TBC1D22A: variants seen among roughly 807,000 people sequenced by gnomAD.
The protein encoded by TBC1D22A is putative GTPase activator.
TBC1D22A carries 38 observed loss-of-function variants against 60.2 expected under a neutral mutation model. That is an observed-to-expected ratio of 0.63 (90% CI 0.49 to 0.83). The LOEUF (loss-of-function observed/expected upper bound fraction) is 0.83. TBC1D22A is among the 40% of genes least tolerant of loss of function. TBC1D22A has a pLI of 0.00. For missense variants in TBC1D22A, 628 were observed against 701.0 expected, an observed-to-expected ratio of 0.90 and a Z score of 1.18; for synonymous variants, 302 against 281.7, an observed-to-expected ratio of 1.07 and a Z score of -0.72.
chr22:46,997,422 C>T lies in TBC1D22A; in HGVS notation c.1126-212C>T, dbSNP rs117306848. Among the ~76,000 whole-genome samples the T allele has an allele frequency of 3.3e-5, 5 of 152,322 alleles. No homozygotes were observed. The East Asian group carries it at 7.7e-4, about 24-fold the overall frequency. On this transcript the variant is annotated intron_variant, in intron 9 of 12. Coordinates refer to ENST00000337137, the MANE Select transcript of TBC1D22A (RefSeq NM_014346.5). ...GATGCACGTGCTTATCACCTGACAT[C>T]GGGAAATACTGGCCTTTCCCTTCTC...
intron 4 of TBC1D22A, among the ~76,000 whole-genome samples, chr22:46,822,738 A>G (rs73891007): frequency 0.018 from 2,799 of 152,280 alleles, 86 homozygotes; most frequent in African/African-American, 0.064. Context: ...CATGGGGAGC[A>G]GGACCCGCTT....
At chr22:47,080,360 G>A (rs974411833) in intron 11 of TBC1D22A, among the ~76,000 whole-genome samples, 3 of 152,136 alleles carry the variant, frequency 2.0e-5, no homozygotes, top group African/African-American at 7.2e-5. Context: ...GAATCACCAT[G>A]ATTTCCTGGG....
chr22:46,974,585 C>G (rs2074216919), intron 9 of TBC1D22A, among the ~76,000 whole-genome samples, 186 bp downstream of exon 9: 1 of 152,220 alleles, frequency 6.6e-6, no homozygotes, highest in Non-Finnish European at 1.5e-5. Context: ...GTGTATGTGC[C>G]CCTCGTTCTG....
At chr22:46,809,567 CACCCTG>C (rs2085296173) in intron 4 of TBC1D22A, among the ~76,000 whole-genome samples, 1 of 152,132 alleles carries the variant, frequency 6.6e-6, no homozygotes, top group South Asian at 2.1e-4. Context: ...CATCCCCTGC[CACCCTG>C]ACCCTTAGCA....
intron 4 of TBC1D22A, among the ~76,000 whole-genome samples, chr22:46,805,988 G>A (rs940480076): frequency 1.1e-4 from 16 of 145,264 alleles, no homozygotes; most frequent in African/African-American, 3.8e-4. Flanking sequence ...GAGTAGCTGG[G>A]ATTACAGGCA....
At chr22:46,783,498 C>G (rs1420853596) in intron 1 of TBC1D22A, among the ~76,000 whole-genome samples, 1 of 152,236 alleles carries the variant, frequency 6.6e-6, no homozygotes, top group African/African-American at 2.4e-5. Flanking sequence ...CGCACACACG[C>G]AGTTGATGCC....
chr22:47,137,524 G>A (rs1274426234), intron 12 of TBC1D22A, among the ~76,000 whole-genome samples: 1 of 152,150 alleles, frequency 6.6e-6, no homozygotes, highest in Non-Finnish European at 1.5e-5. Context: ...AGGTCTCCCT[G>A]ACTGCAGGGG....
chr22:47,010,384 G>A (rs923259380), intron 10 of TBC1D22A, among the ~76,000 whole-genome samples: 2 of 152,226 alleles, frequency 1.3e-5, no homozygotes, highest in African/African-American at 2.4e-5. Flanking sequence ...AGAGCTGAGC[G>A]TTTGAAATGA....
At chr22:46,856,993 C>T (rs1288280406) in intron 4 of TBC1D22A, among the ~76,000 whole-genome samples, 1 of 152,252 alleles carries the variant, frequency 6.6e-6, no homozygotes, top group Non-Finnish European at 1.5e-5. Flanking sequence ...ACAATTGCCT[C>T]CAGCCCTATT....
At chr22:46,795,480 G>C (rs2084612396) in intron 3 of TBC1D22A, among the ~76,000 whole-genome samples, 1 of 152,196 alleles carries the variant, frequency 6.6e-6, no homozygotes, top group Admixed American at 6.5e-5. Context: ...ATGTCACCCT[G>C]GGATGGCCTC....
chr22:47,006,548 G>A (rs1433122508), intron 10 of TBC1D22A, among the ~76,000 whole-genome samples: 2 of 152,220 alleles, frequency 1.3e-5, no homozygotes, highest in African/African-American at 2.4e-5. Context: ...TTCTGTGGCC[G>A]TCTCAGGCCA....
chr22:46,991,765 G>T (rs187737977), intron 9 of TBC1D22A, among the ~76,000 whole-genome samples: 2 of 152,262 alleles, frequency 1.3e-5, no homozygotes, highest in East Asian at 3.9e-4. Context: ...TGACTCCGAC[G>T]TGGCCTTCCA....
At chr22:46,917,007 G>A (rs1241802806) in intron 8 of TBC1D22A, among the ~76,000 whole-genome samples, 1 of 152,210 alleles carries the variant, frequency 6.6e-6, no homozygotes, top group African/African-American at 2.4e-5. Flanking sequence ...GCTTGAATGT[G>A]CCCATTCCAG....
chr22:46,940,003 C>A (rs2147933976), intron 8 of TBC1D22A, among the ~76,000 whole-genome samples: 1 of 152,180 alleles, frequency 6.6e-6, no homozygotes, highest in East Asian at 1.9e-4. Flanking sequence ...TGGAAATATT[C>A]CAGATTTGGT....
At chr22:46,879,912 A>T (rs1253510718) in intron 5 of TBC1D22A, among the ~76,000 whole-genome samples, 4 of 152,152 alleles carry the variant, frequency 2.6e-5, no homozygotes, top group Non-Finnish European at 5.9e-5. Flanking sequence ...ACAGGGGTTG[A>T]TGTGGACATG....
chr22:47,153,975 C>A (rs1040691375), intron 12 of TBC1D22A, among the ~76,000 whole-genome samples: 1 of 151,574 alleles, frequency 6.6e-6, no homozygotes, highest in Non-Finnish European at 1.5e-5. Flanking sequence ...CACTCTTGGG[C>A]ATGGGAGGGT....
chr22:46,935,474 G>A (rs939945419), intron 8 of TBC1D22A, among the ~76,000 whole-genome samples: 1 of 152,212 alleles, frequency 6.6e-6, no homozygotes, highest in Non-Finnish European at 1.5e-5. Flanking sequence ...GGGCCGTATG[G>A]GCAGTTTGAA....
rs961749699 is a variant in TBC1D22A at position 47,030,082 on chromosome 22, G to T, written c.1202-6989G>T. ...TGGGCTCAGAGTGGGGGGCCTCTTGGTGCGGAGGGGCCCTGCTCACTGTCA... is the reference window on the plus strand; with the variant it reads ...TGGGCTCAGAGTGGGGGGCCTCTTGTTGCGGAGGGGCCCTGCTCACTGTCA... On this transcript the variant is annotated intron_variant, in intron 10 of 12. Transcript: ENST00000337137. Among the ~76,000 whole-genome samples, 14 of 152,352 alleles carry T rather than the reference G, an allele frequency of 9.2e-5. No individual in the cohort carries two copies. In the South Asian group the frequency reaches 2.5e-3, roughly 27 times the overall value.
intron 8 of TBC1D22A, among the ~76,000 whole-genome samples, chr22:46,940,713 TAC>T (rs142864335): frequency 3.9e-5 from 5 of 129,720 alleles, no homozygotes; most frequent in Admixed American, 8.0e-5. Context: ...TGTATGTATA[TAC>T]ACACACACAC....
Sources: allele counts gnomAD v4.1 joint callset (sites outside exome capture counted in the v4.1 genomes callset), GRCh38; gene constraint gnomAD v4.1.1; transcripts MANE v1.5; gene names NCBI Gene and HGNC (gene_info 2026-07-23, HGNC 2026-07-21).